Variants in UGT2B4 observed in about 807,000 individuals in gnomAD.
The protein encoded by UGT2B4 is UDP glucuronosyltransferase family 2 member B4.
In UGT2B4, 49 loss-of-function variants were observed where a neutral mutation model predicts 49.8. The ratio of observed to expected loss-of-function variants is 0.98; its 90% CI spans 0.78 to 1.25. The LOEUF is 1.25. Ranked by LOEUF, UGT2B4 falls within the 50% of genes most tolerant of loss-of-function variation. The pLI, the probability that UGT2B4 is intolerant of heterozygous loss-of-function variation, is 0.00. For synonymous variants in UGT2B4, 246 were observed against 217.7 expected, an observed-to-expected ratio of 1.13 and a Z score of -1.14; for missense variants, 729 against 627.7, an observed-to-expected ratio of 1.16 and a Z score of -1.73.
At chr4:69,500,614 A>AAAGC (rs1230531198), upstream of UGT2B4, among the ~76,000 whole-genome samples, 1 of 114,622 alleles carries the variant, frequency 8.7e-6, no homozygotes, top group East Asian at 2.4e-4. Flanking sequence ...AGGAAGAAAG[A>AAAGC]AAGAAAGAAA....
At chr4:69,492,545 A>T (rs1354980833) in intron 2 of UGT2B4, among the ~76,000 whole-genome samples, 1 of 152,080 alleles carries the variant, frequency 6.6e-6, no homozygotes, top group Admixed American at 6.6e-5. Context: ...CATATAGAAG[A>T]CCATAGGACT....
chr4:69,489,407 G>GT (rs748069400), intron 3 of UGT2B4, 32 bp downstream of exon 3: 3 of 1,603,378 alleles, frequency 1.9e-6, no homozygotes, highest in Admixed American at 1.7e-5. Context: ...TCTTTCAGTA[G>GT]TTTTTTACAC....
At chr4:69,494,856 A>G (rs1165220587) in intron 1 of UGT2B4, among the ~76,000 whole-genome samples, 1 of 152,188 alleles carries the variant, frequency 6.6e-6, no homozygotes, top group African/African-American at 2.4e-5. Context: ...AAAAATGTAT[A>G]ATAAAACAGA....
chr4:69,507,587 G>A (rs2109825306), intron 1 of UGT2B4, among the ~76,000 whole-genome samples: 1 of 152,080 alleles, frequency 6.6e-6, no homozygotes, highest in South Asian at 2.1e-4. Context: ...CAAACAAATA[G>A]AAAAACATTC....
At chr4:69,502,264 T>A (rs1323017871) in intron 1 of UGT2B4, among the ~76,000 whole-genome samples, 5 of 151,770 alleles carry the variant, frequency 3.3e-5, no homozygotes, top group African/African-American at 1.2e-4. Flanking sequence ...ATGTCCAGGA[T>A]GTGAAGGTTT....
chr4:69,505,399 A>C (rs902818793), intron 1 of UGT2B4, among the ~76,000 whole-genome samples: 2 of 152,178 alleles, frequency 1.3e-5, no homozygotes, highest in Non-Finnish European at 2.9e-5. Context: ...CAGATAAAAA[A>C]CAGAAAAAAA....
intron 2 of UGT2B4, among the ~76,000 whole-genome samples, chr4:69,493,345 G>A (rs172861): frequency 1.3e-5 from 2 of 152,038 alleles, no homozygotes; most frequent in East Asian, 1.9e-4. Flanking sequence ...TAGAATGTAA[G>A]GTGTGTTGGG....
intron 5 of UGT2B4, 149 bp downstream of exon 5, chr4:69,485,059 C>A: frequency 3.2e-6 from 3 of 925,016 alleles, no homozygotes; most frequent in Non-Finnish European, 4.8e-6. Flanking sequence ...TTTAAATAAC[C>A]ACTCAAAAAT....
intron 1 of UGT2B4, among the ~76,000 whole-genome samples, chr4:69,502,967 A>G (rs1728379860): frequency 1.5e-5 from 1 of 65,880 alleles, no homozygotes; most frequent in South Asian, 9.1e-4. Flanking sequence ...GTGATTGCTG[A>G]CCAGCACCTC....
chr4:69,496,323 C>A (rs576091080), upstream of UGT2B4, among the ~76,000 whole-genome samples: 1 of 152,300 alleles, frequency 6.6e-6, no homozygotes. Context: ...CCGCACCCAG[C>A]CCTAGATTTT....
In UGT2B4 at chr4:69,489,455, G is replaced by C. The variant is rs763263723; in HGVS notation, c.986C>G (p.Ala329Gly). 77 of 1,610,804 alleles carry C rather than the reference G, an allele frequency of 4.8e-5. No homozygotes were observed. Among genetic ancestry groups the C allele is most frequent in the Admixed American group, 4.0e-4 (24 of 59,842 alleles). ...ERANVIASAL[A>G]KIPQKVLWRF... is the part of the protein sequence containing the mutation. ...TTATCTTACCTTTTGTGGGATCTTG[G>C]CAAGGGCTGATGCAATTACATTGGC... The change falls in exon 3 of 6, where the codon GCC (alanine) becomes GGC (glycine). Residue 329 changes from alanine to glycine, a missense_variant. By Grantham distance (60) the Ala-to-Gly change is moderately conservative. Transcript: ENST00000305107.
At chr4:69,501,905 G>A (rs932089812) in intron 1 of UGT2B4, among the ~76,000 whole-genome samples, 1 of 152,090 alleles carries the variant, frequency 6.6e-6, no homozygotes, top group African/African-American at 2.4e-5. Context: ...GGTGGAGTGG[G>A]CTCATGAGGG....
intron 3 of UGT2B4, among the ~76,000 whole-genome samples, chr4:69,487,141 G>A (rs1727812966): frequency 6.6e-6 from 1 of 152,170 alleles, no homozygotes; most frequent in Non-Finnish European, 1.5e-5. Context: ...TGAAGGGACT[G>A]TAAGTTCAAC....
At position 69,494,011 on chromosome 4, in the gene UGT2B4, AT is replaced by A. The variant is rs760510242; in HGVS notation, c.722-171del. 8.5e-5 allele frequency among the ~76,000 whole-genome samples: 13 copies of A among 152,134 alleles called. No homozygotes were observed. In the East Asian group the frequency reaches 1.5e-3, roughly 18 times the overall value. ...ATAATTTAATTTTTATGTATTATAT[AT>A]TTTACCCATGTGTATTTACAAGAAA... On this transcript the variant is annotated intron_variant, in intron 1 of 5. Coordinates refer to ENST00000305107, the MANE Select transcript of UGT2B4 (RefSeq NM_021139.3).
At chr4:69,525,698 G>A (rs1007974451) in exon 1 of UGT2B4, 12 of 1,279,032 alleles carry the variant, frequency 9.4e-6, no homozygotes, top group East Asian at 5.7e-5. Flanking sequence ...TAATCCATTC[G>A]TTGATGAGAC....
In UGT2B4 at chr4:69,493,856, AAAAAG is replaced by A; in HGVS notation, c.722-20_722-16del. The A allele has an allele frequency of 6.3e-7, 1 of 1,581,786 alleles. No individual in the cohort carries two copies. Among genetic ancestry groups the A allele is most frequent in the Non-Finnish European group, 8.5e-7 (1 of 1,169,974 alleles). On this transcript the variant is annotated splice_polypyrimidine_tract_variant and intron_variant, in intron 1 of 5. Transcript: ENST00000305107. ...AGTGGGTCTTCCTGATGGGGGAAAA[AAAAAG>A]AAAAGATAGATGACACAAGATAATT...
intron 4 of UGT2B4, 21 bp downstream of exon 4, chr4:69,486,588 A>G (rs769542637): frequency 6.6e-7 from 1 of 1,516,672 alleles, no homozygotes; most frequent in Non-Finnish European, 9.0e-7. Flanking sequence ...TATATTCAGT[A>G]TTTGTTCTTC....
chr4:69,485,446 T>C lies in UGT2B4; in HGVS notation c.1091-19A>G. 12 of 1,613,106 alleles carry C rather than the reference T, an allele frequency of 7.4e-6. No homozygotes were observed. Among genetic ancestry groups the C allele is most frequent in the Non-Finnish European group, 8.5e-6 (10 of 1,179,378 alleles). The stretch of plus-strand genomic sequence containing the variant: ...GGGTGACCTAGGATTGGATGAATTT[T>C]AGCAAAATTATTCATAGGAATAAAA... On this transcript the variant is annotated intron_variant, in intron 4 of 5. Transcript: ENST00000305107.
chr4:69,482,345 T>C (rs144729888), intron 5 of UGT2B4, among the ~76,000 whole-genome samples: 56 of 152,292 alleles, frequency 3.7e-4, no homozygotes, highest in African/African-American at 1.3e-3. Context: ...CATTTAAGCA[T>C]AAAACACATA....
Sources: allele counts gnomAD v4.1 joint callset (sites outside exome capture counted in the v4.1 genomes callset), GRCh38; gene constraint gnomAD v4.1.1; transcripts MANE v1.5; gene names NCBI Gene and HGNC (gene_info 2026-07-23, HGNC 2026-07-21).